VTI1A: variants seen among roughly 807,000 people sequenced by gnomAD.
The protein encoded by VTI1A is vesicle transport through interaction with t-SNAREs 1A, also known as vesicle transport through interaction with t-SNAREs homolog 1A.
A neutral mutation model predicts 34.9 loss-of-function variants in VTI1A; 22 were observed. The ratio of observed to expected loss-of-function variants is 0.63; its 90% CI spans 0.45 to 0.90. VTI1A has a LOEUF of 0.90. Among genes scored for constraint, VTI1A ranks in the 40% least tolerant of loss-of-function variants. The pLI is 0.00. For synonymous variants in VTI1A, 87 were observed against 97.3 expected (o/e 0.89, Z 0.62); for missense variants, 268 against 275.6 (o/e 0.97, Z 0.20).
intron 5 of VTI1A, among the ~76,000 whole-genome samples, chr10:112,623,515 G>T (rs1845808887): frequency 6.7e-6 from 1 of 148,226 alleles, no homozygotes; most frequent in East Asian, 2.0e-4. Context: ...ATTATCCTCA[G>T]CCTGCTGGCT....
At chr10:112,771,126 G>A (rs1287909103) in intron 7 of VTI1A, among the ~76,000 whole-genome samples, 3 of 152,180 alleles carry the variant, frequency 2.0e-5, no homozygotes, top group African/African-American at 4.8e-5. Flanking sequence ...GCCCAGATTC[G>A]AAGTCAGGTG....
At chr10:112,594,420 C>T (rs1303661540) in intron 5 of VTI1A, among the ~76,000 whole-genome samples, 1 of 152,086 alleles carries the variant, frequency 6.6e-6, no homozygotes, top group African/African-American at 2.4e-5. Context: ...ACCCCATTGT[C>T]TCAGCCCAAA....
chr10:112,695,686 A>G (rs908045423), intron 7 of VTI1A, among the ~76,000 whole-genome samples: 1 of 152,210 alleles, frequency 6.6e-6, no homozygotes, highest in Non-Finnish European at 1.5e-5. Context: ...TGCACGTTGC[A>G]GATGCACTGC....
chr10:112,669,824 C>T (rs1051405502), intron 7 of VTI1A, among the ~76,000 whole-genome samples: 2 of 152,120 alleles, frequency 1.3e-5, no homozygotes, highest in African/African-American at 4.8e-5. Context: ...CTTGTCTGAT[C>T]ACATATCCAT....
chr10:112,739,742 GA>G (rs1850625661), intron 7 of VTI1A, among the ~76,000 whole-genome samples: 1 of 152,214 alleles, frequency 6.6e-6, no homozygotes, highest in South Asian at 2.1e-4. Context: ...TAGTATGTGT[GA>G]TTACAGATTG....
intron 5 of VTI1A, among the ~76,000 whole-genome samples, chr10:112,650,419 A>C (rs1210483841): frequency 6.6e-6 from 1 of 151,714 alleles, no homozygotes; most frequent in Non-Finnish European, 1.5e-5. Context: ...TTCTTCTGGA[A>C]TACCTCCTGA....
At chr10:112,589,438 C>A (rs533945616) in intron 5 of VTI1A, among the ~76,000 whole-genome samples, 1 of 121,808 alleles carries the variant, frequency 8.2e-6, no homozygotes, top group East Asian at 2.2e-4. Flanking sequence ...CTGTAAGTTC[C>A]ACCCAGCCAC....
At chr10:112,839,918 C>T in the VTI1A span, among the ~76,000 whole-genome samples, 1 of 141,038 alleles carries the variant, frequency 7.1e-6, no homozygotes, top group Non-Finnish European at 1.6e-5. Context: ...CTCCACATAC[C>T]CAGTACAGCT....
chr10:112,660,095 T>TTTGTTG (rs1036495762), intron 5 of VTI1A, among the ~76,000 whole-genome samples: 1 of 152,086 alleles, frequency 6.6e-6, no homozygotes, highest in African/African-American at 2.4e-5. Context: ...TGAATTCTAA[T>TTTGTTG]TTGTTGTTGT....
intron 5 of VTI1A, among the ~76,000 whole-genome samples, chr10:112,584,129 G>C (rs1175805484): frequency 6.6e-6 from 1 of 152,168 alleles, no homozygotes; most frequent in East Asian, 1.9e-4. Context: ...TAAGTAAACA[G>C]ATTCAGAAGG....
chr10:112,813,632 A>C (rs1197286937), intron 7 of VTI1A, among the ~76,000 whole-genome samples: 1 of 152,196 alleles, frequency 6.6e-6, no homozygotes, highest in Non-Finnish European at 1.5e-5. Flanking sequence ...CAGTGTTGAT[A>C]ATTAGCCTCA....
At chr10:112,847,794 T>C in the VTI1A span, among the ~76,000 whole-genome samples, 106,480 of 152,126 alleles carry the variant, frequency 0.7, 38,194 homozygotes, top group Middle Eastern at 0.82. Flanking sequence ...TTACAAACCC[T>C]ATGCTTTTGT....
At chr10:112,758,226 T>A (rs145583478) in intron 7 of VTI1A, among the ~76,000 whole-genome samples, 43 of 151,528 alleles carry the variant, frequency 2.8e-4, no homozygotes, top group Middle Eastern at 3.4e-3. Context: ...GGTAGTAGAG[T>A]CTTTTAGAGT....
chr10:112,828,562 C>T, the VTI1A span, among the ~76,000 whole-genome samples: 14 of 151,952 alleles, frequency 9.2e-5, no homozygotes, highest in Middle Eastern at 3.4e-3. Flanking sequence ...CCCGCCACCA[C>T]GCCCGGCTAA....
At chr10:112,773,374 A>G (rs1243181709) in intron 7 of VTI1A, among the ~76,000 whole-genome samples, 1 of 152,150 alleles carries the variant, frequency 6.6e-6, no homozygotes, top group Non-Finnish European at 1.5e-5. Flanking sequence ...TCCCAACTGT[A>G]CCATCGATTA....
intron 5 of VTI1A, among the ~76,000 whole-genome samples, chr10:112,598,843 C>T (rs1844772064): frequency 6.6e-6 from 1 of 152,160 alleles, no homozygotes; most frequent in African/African-American, 2.4e-5. Flanking sequence ...GAAAGACCTG[C>T]TATGCATTCA....
intron 7 of VTI1A, among the ~76,000 whole-genome samples, chr10:112,689,756 T>G (rs1848551537): frequency 6.6e-6 from 1 of 152,156 alleles, no homozygotes; most frequent in African/African-American, 2.4e-5. Flanking sequence ...CACAGTTTTT[T>G]TTTTAATTAT....
At chr10:112,738,531 G>A (rs1451314942) in intron 7 of VTI1A, among the ~76,000 whole-genome samples, 2 of 152,158 alleles carry the variant, frequency 1.3e-5, no homozygotes, top group East Asian at 1.9e-4. Flanking sequence ...GAAAATAAAT[G>A]ACTGGACATC....
chr10:112,545,596 C>T (rs945021340), intron 5 of VTI1A, among the ~76,000 whole-genome samples: 1 of 152,192 alleles, frequency 6.6e-6, no homozygotes, highest in Non-Finnish European at 1.5e-5. Context: ...TTTCTTGCTA[C>T]CCAAAGTGGG....
Sources: allele counts gnomAD v4.1 joint callset (sites outside exome capture counted in the v4.1 genomes callset), GRCh38; gene constraint gnomAD v4.1.1; transcripts MANE v1.5; gene names NCBI Gene and HGNC (gene_info 2026-07-23, HGNC 2026-07-21).